Variants in GSTM3 observed in about 807,000 individuals in gnomAD.
The protein encoded by GSTM3 is glutathione S-transferase mu 3.
In GSTM3, 34 loss-of-function variants were observed where a neutral mutation model predicts 36.1. That is an observed-to-expected ratio of 0.94 (90% CI 0.72 to 1.25). The LOEUF (loss-of-function observed/expected upper bound fraction) is 1.25, where lower values mean the gene tolerates loss of function less well. Among genes scored for constraint, GSTM3 ranks in the 50% most tolerant of loss-of-function variants. The pLI is 0.00. For missense variants in GSTM3, 266 were observed against 281.6 expected, an observed-to-expected ratio of 0.94 and a Z score of 0.40; for synonymous variants, 102 against 99.5, an observed-to-expected ratio of 1.03 and a Z score of -0.15.
At chr1:109,740,013 G>C (rs1411929075) in intron 2 of GSTM3, 105 bp from the exon 3 acceptor site, 2 of 1,050,560 alleles carry the variant, frequency 1.9e-6, no homozygotes, top group Non-Finnish European at 2.8e-6. Flanking sequence ...CGTCCTGCCG[G>C]GGCGGTGGTT....
At chr1:109,740,027 CG>C (rs1649322482) in intron 2 of GSTM3, 119 bp from the exon 3 acceptor site, 5 of 954,504 alleles carry the variant, frequency 5.2e-6, no homozygotes, top group Non-Finnish European at 8.0e-6. Context: ...GGTGGTTAAG[CG>C]GCCCCTAGGC....
At chr1:109,739,807 T>G in intron 3 of GSTM3, 26 bp downstream of exon 3, 3 of 1,525,642 alleles carry the variant, frequency 2.0e-6, no homozygotes, top group Non-Finnish European at 8.9e-7. Context: ...CCAGCTTGGC[T>G]GCACGGGCAC....
Position 109,738,293 on chromosome 1 carries a change from T to C in GSTM3, c.263A>G (p.His88Arg). 1 of 1,613,554 alleles carries C rather than the reference T, an allele frequency of 6.2e-7. No individual in the cohort carries two copies. The highest frequency in any genetic ancestry group is 8.5e-7 in the Non-Finnish European group (1 of 1,179,418). Reference sequence around the variant, plus strand: ...AGCCCTACCCCACTCACACATGTTGTGCTTGCGAGCGATGTAGCGCAAGAT... The same window carrying C: ...AGCCCTACCCCACTCACACATGTTGCGCTTGCGAGCGATGTAGCGCAAGAT... ...NAILRYIARK[H>R]NMCGETEEEK... The change falls in exon 5 of 9, where the codon CAC becomes CGC. Residue 88 changes from histidine (H) to arginine (R), a missense_variant. His to Arg is a conservative substitution (Grantham distance 29). Coordinates refer to ENST00000361066, the MANE Select transcript of GSTM3 (RefSeq NM_000849.5).
At position 109,736,769 on chromosome 1, in the gene GSTM3, A is replaced by C; in HGVS notation, c.*302T>G. On this transcript the variant is annotated 3_prime_UTR_variant, in exon 9 of 9. Transcript: ENST00000361066. ...CTTCACAGGGACTCCAGTCCCATTT[A>C]ACACACCTGCTCTCTCCAACTGTGC... The C allele has an allele frequency of 3.3e-6, 1 of 302,228 alleles. No homozygotes were observed. Among genetic ancestry groups the C allele is most frequent in the Non-Finnish European group, 6.2e-6 (1 of 160,864 alleles). 18.7% of individuals were successfully genotyped at this position (302,228 alleles called of 1,614,324 possible). A position where few individuals can be genotyped will look rare whatever the true frequency, so the allele number is the denominator to read the frequency against.
At chr1:109,739,300 A>T in intron 4 of GSTM3, 129 bp downstream of exon 4, 1 of 577,594 alleles carries the variant, frequency 1.7e-6, no homozygotes, top group Non-Finnish European at 3.2e-6. Context: ...AGGACCCCTG[A>T]ATTCTATTTA....
At chr1:109,738,886 C>G (rs1357041915) in intron 4 of GSTM3, among the ~76,000 whole-genome samples, 1 of 152,110 alleles carries the variant, frequency 6.6e-6, no homozygotes, top group Admixed American at 6.5e-5. Flanking sequence ...TTTGGAAGGC[C>G]GAGGTGGGAG....
Position 109,740,472 on chromosome 1 carries a change from C to A in GSTM3, c.-185G>T, listed in dbSNP as rs932895618. 10 of 605,078 alleles carry A rather than the reference C, an allele frequency of 1.7e-5. No homozygotes were observed. The highest frequency in any genetic ancestry group is 3.8e-5 in the African/African-American group (2 of 52,644). The allele number at this position is 605,078 out of a possible 1,614,324, so 37.5% of individuals were successfully genotyped here. A position where few individuals can be genotyped will look rare whatever the true frequency, so the allele number is the denominator to read the frequency against. ...CGCGACTAATGCCGGCGTTGGGGTT[C>A]AGGGCCTGGCGACCCCGAGGCGGGA... On this transcript the variant is annotated 5_prime_UTR_variant, in exon 2 of 9. It introduces an in-frame stop codon into an upstream open reading frame of the 5' UTR. Coordinates refer to ENST00000361066, the MANE Select transcript of GSTM3 (RefSeq NM_000849.5).
chr1:109,734,931 G>C lies in GSTM3; in HGVS notation c.*2140C>G, dbSNP rs1475488605. The C allele has an allele frequency of 6.6e-6, 1 of 152,298 alleles. No individual in the cohort carries two copies. Among genetic ancestry groups the C allele is most frequent in the African/African-American group, 2.4e-5 (1 of 41,476 alleles). 9.4% of individuals were successfully genotyped at this position (152,298 alleles called of 1,614,324 possible). ...ATTCAGACTCTGCTCTGTGAAAGGAGAGTGGTGCCAAGTCATCTCCACAGG... is the reference window on the plus strand; with the variant it reads ...ATTCAGACTCTGCTCTGTGAAAGGACAGTGGTGCCAAGTCATCTCCACAGG... On this transcript the variant is annotated 3_prime_UTR_variant, in exon 9 of 9. Coordinates refer to ENST00000361066, the MANE Select transcript of GSTM3 (RefSeq NM_000849.5).
chr1:109,737,270 C>A (rs1258703712), intron 8 of GSTM3, 101 bp from the exon 9 acceptor site: 2 of 903,098 alleles, frequency 2.2e-6, no homozygotes, highest in African/African-American at 1.6e-5. Flanking sequence ...CTACCTCCTC[C>A]ATTTTTTTGT....
intron 6 of GSTM3, 141 bp downstream of exon 6, chr1:109,737,950 A>G: frequency 1.4e-6 from 1 of 690,150 alleles, no homozygotes; most frequent in Non-Finnish European, 2.5e-6. Context: ...AAACCAAAAA[A>G]TATAAGTTCT....
chr1:109,739,319 G>A (rs10735234), intron 4 of GSTM3, 110 bp downstream of exon 4: 397,406 of 630,142 alleles, frequency 0.63, 128,823 homozygotes, highest in African/African-American at 0.85. Context: ...TATTCTATCC[G>A]GGTTAAGATC....
chr1:109,738,088 C>T lies in GSTM3; in HGVS notation c.372+3G>A, dbSNP rs199633142. On this transcript the variant is annotated splice_donor_region_variant and intron_variant, in intron 6 of 8. Coordinates refer to ENST00000361066, the MANE Select transcript of GSTM3 (RefSeq NM_000849.5). ...TCAGCAGATGTGTGCTAAGGAAACT[C>T]ACGTGGTCAGAGCTGTAACAGAGCC... The T allele has an allele frequency of 6.8e-4, 1,092 of 1,598,242 alleles. 1 individual carries two copies. The highest frequency in any genetic ancestry group is 8.6e-4 in the Non-Finnish European group (1,008 of 1,165,632).
At position 109,740,481 on chromosome 1, in the gene GSTM3, G is replaced by T; in HGVS notation, c.-194C>A. 1 of 597,292 alleles carries T rather than the reference G, an allele frequency of 1.7e-6. No individual in the cohort carries two copies. The highest frequency in any genetic ancestry group is 2.0e-5 in the South Asian group (1 of 50,378). 37.0% of individuals were successfully genotyped at this position (597,292 alleles called of 1,614,324 possible). A position where few individuals can be genotyped will look rare whatever the true frequency, so the allele number is the denominator to read the frequency against. ...TGCCGGCGTTGGGGTTCAGGGCCTG[G>T]CGACCCCGAGGCGGGACCCGGGCAG... On this transcript the variant is annotated 5_prime_UTR_variant, in exon 2 of 9. Coordinates refer to ENST00000361066, the MANE Select transcript of GSTM3 (RefSeq NM_000849.5).
chr1:109,737,317 C>T (rs1416299542), intron 8 of GSTM3, 140 bp downstream of exon 8: 5 of 814,414 alleles, frequency 6.1e-6, no homozygotes, highest in African/African-American at 3.4e-5. Context: ...TAGGCTCTTC[C>T]CAAGACTTAA....
chr1:109,738,421 CCTCT>C, intron 4 of GSTM3, 55 bp from the exon 5 acceptor site: 1 of 1,118,970 alleles, frequency 8.9e-7, no homozygotes, highest in South Asian at 1.3e-5. Context: ...TGATTCCCTA[CCTCT>C]CTCTCCAGGG....
rs541818532 is a variant in GSTM3, at chr1:109,735,580, T to A, written c.*1491A>T. ...AGGTATTTACACGGTTTCCACTTAT[T>A]TGTCATTACAGACAATGCCACAGTG... is the stretch of plus-strand genomic sequence containing the variant. On this transcript the variant is annotated 3_prime_UTR_variant, in exon 9 of 9. Coordinates refer to ENST00000361066, the MANE Select transcript of GSTM3 (RefSeq NM_000849.5). 1 of 152,132 alleles carries A rather than the reference T, an allele frequency of 6.6e-6. No homozygotes were observed. Among genetic ancestry groups the A allele is most frequent in the Non-Finnish European group, 1.5e-5 (1 of 68,048 alleles). 9.4% of individuals were successfully genotyped at this position (152,132 alleles called of 1,614,324 possible).
chr1:109,739,907 A>T lies in GSTM3; in HGVS notation c.50T>A (p.Leu17Gln). 1 of 1,553,150 alleles carries T rather than the reference A, an allele frequency of 6.4e-7. No homozygotes were observed. Among genetic ancestry groups the T allele is most frequent in the Non-Finnish European group, 8.7e-7 (1 of 1,147,154 alleles). Residue 17 changes from leucine to glutamine, a missense_variant and splice_region_variant, in exon 3 of 9, where the codon CTG becomes CAG. Transcript: ENST00000361066. ...CAGGAGCAGGCGGATGGCGTGCGCC[A>T]GCTGGGGAAGACAGCGGTTCAGCGA... is the stretch of plus-strand genomic sequence containing the variant. Reference protein sequence around the residue: ...MVLGYWDIRGLAHAIRLLLEF... With the variant: ...MVLGYWDIRGQAHAIRLLLEF...
Position 109,736,034 on chromosome 1 carries a change from T to C in GSTM3, c.*1037A>G, listed in dbSNP as rs1411663878. The stretch of plus-strand genomic sequence containing the variant: ...CAAAGTAGCTATACTAATTTACAAC[T>C]TGACCAGCAGGAAATGCATATCACT... On this transcript the variant is annotated 3_prime_UTR_variant, in exon 9 of 9. Coordinates refer to ENST00000361066, the MANE Select transcript of GSTM3 (RefSeq NM_000849.5). 1.3e-5 allele frequency: 2 copies of C among 152,218 alleles called. No individual in the cohort carries two copies. Among genetic ancestry groups the C allele is most frequent in the Admixed American group, 6.5e-5 (1 of 15,284 alleles). The allele number at this position is 152,218 out of a possible 1,614,324, so 9.4% of individuals were successfully genotyped here. A position where few individuals can be genotyped will look rare whatever the true frequency, so the allele number is the denominator to read the frequency against.
At position 109,740,514 on chromosome 1, in the gene GSTM3, G is replaced by A. The variant is rs969928793; in HGVS notation, c.-224-3C>T. ...GAGGCGGGACCCGGGCAGGAGTGCT[G>A]CAGGAGAGCAAAGGACCCGAGGTTG... On this transcript the variant is annotated splice_region_variant and splice_polypyrimidine_tract_variant and intron_variant, in intron 1 of 8. Coordinates refer to ENST00000361066, the MANE Select transcript of GSTM3 (RefSeq NM_000849.5). The A allele has an allele frequency of 8.7e-6, 5 of 573,646 alleles. No individual in the cohort carries two copies. Among genetic ancestry groups the A allele is most frequent in the African/African-American group, 7.8e-5 (4 of 51,256 alleles). The allele number at this position is 573,646 out of a possible 1,614,324, so 35.5% of individuals were successfully genotyped here.
Sources: allele counts gnomAD v4.1 joint callset (sites outside exome capture counted in the v4.1 genomes callset), GRCh38; gene constraint gnomAD v4.1.1; transcripts MANE v1.5; gene names NCBI Gene and HGNC (gene_info 2026-07-23, HGNC 2026-07-21).